SERPINB8: variants seen among roughly 807,000 people sequenced by gnomAD.
SERPINB8 encodes serpin B8.
A neutral mutation model predicts 35.3 loss-of-function variants in SERPINB8; 25 were observed. The observed-to-expected ratio is 0.71, with a 90% confidence interval of 0.52 to 0.99. SERPINB8 has a LOEUF of 0.99. Ranked by LOEUF, SERPINB8 falls within the 50% of genes least tolerant of loss-of-function variation. The pLI is 0.00. For missense variants in SERPINB8, 484 were observed against 446.5 expected (o/e 1.08, Z -0.76); for synonymous variants, 186 against 160.8 (o/e 1.16, Z -1.19).
In SERPINB8 at chr18:63,985,246, G is replaced by A; in HGVS notation, c.720+1G>A. On this transcript the variant is annotated splice_donor_variant, in intron 6 of 6. Transcript: ENST00000397985. LOFTEE classifies it high-confidence loss of function. ...CGATGACAACACGGACCTCGCCGTG[G>A]TAAGCTCCAGGCAATGAGCCTGAGT... 1.2e-6 allele frequency: 2 copies of A among 1,614,050 alleles called. No individual in the cohort carries two copies. The highest frequency in any genetic ancestry group is 8.5e-7 in the Non-Finnish European group (1 of 1,179,964).
chr18:64,017,747 C>G (rs2050957307), intron 7 of SERPINB8, among the ~76,000 whole-genome samples: 1 of 152,186 alleles, frequency 6.6e-6, no homozygotes, highest in African/African-American at 2.4e-5. Flanking sequence ...TAGCAGCAGC[C>G]TCTGCAGAGT....
intron 1 of SERPINB8, among the ~76,000 whole-genome samples, chr18:63,995,967 G>A (rs1047445799): frequency 6.6e-6 from 1 of 152,146 alleles, no homozygotes; most frequent in Non-Finnish European, 1.5e-5. Flanking sequence ...TAAGGAAGAG[G>A]AATTGGTCAA....
chr18:64,006,688 G>A (rs2050901555), downstream of SERPINB8, among the ~76,000 whole-genome samples: 1 of 152,164 alleles, frequency 6.6e-6, no homozygotes, highest in Admixed American at 6.5e-5. Context: ...AATACTCTAT[G>A]TCTTGATCTG....
intron 3 of SERPINB8, 96 bp from the exon 4 acceptor site, chr18:63,981,625 A>G: frequency 2.4e-6 from 2 of 820,470 alleles, no homozygotes; most frequent in Non-Finnish European, 4.0e-6. Context: ...CTGTCCAAGC[A>G]CTTATTGTAG....
At chr18:63,989,728 G>T (rs1399314706), downstream of SERPINB8, among the ~76,000 whole-genome samples, 1 of 151,974 alleles carries the variant, frequency 6.6e-6, no homozygotes, top group Non-Finnish European at 1.5e-5. Context: ...CGGATCACGA[G>T]GTAAGGAGAT....
intron 7 of SERPINB8, among the ~76,000 whole-genome samples, chr18:64,011,614 G>A (rs1325872236): frequency 6.6e-6 from 1 of 152,148 alleles, no homozygotes; most frequent in African/African-American, 2.4e-5. Context: ...GCAAGTTCAT[G>A]TTGGTGCTGT....
At position 64,011,852 on chromosome 18, in the gene SERPINB8, G is replaced by A. The variant is rs115349322; in HGVS notation, c.*2+6972G>A. On this transcript the variant is annotated intron_variant, in intron 7 of 7. Coordinates refer to the SERPINB8 transcript ENST00000636430. ...AAGGCAGCCACCCTCCTTACAAGTG[G>A]AAGCTGGGCTATTGTATTAACTATA... Among the ~76,000 whole-genome samples, 793 of 152,258 alleles carry A rather than the reference G, an allele frequency of 5.2e-3. 6 individuals are homozygous for A. The highest frequency in any genetic ancestry group is 0.018 in the African/African-American group (751 of 41,560).
intron 1 of SERPINB8, among the ~76,000 whole-genome samples, chr18:63,977,396 G>A (rs573586418): frequency 1.3e-5 from 2 of 151,616 alleles, no homozygotes; most frequent in Admixed American, 1.3e-4. Flanking sequence ...GCGTGATCTC[G>A]GCTCTCTGCA....
At chr18:64,015,567 G>A (rs951855472) in intron 7 of SERPINB8, among the ~76,000 whole-genome samples, 1 of 152,040 alleles carries the variant, frequency 6.6e-6, no homozygotes, top group Non-Finnish European at 1.5e-5. Context: ...GATGACTTTC[G>A]TTGTTAGAAA....
At chr18:63,973,011 T>C (rs1024397058) in intron 1 of SERPINB8, among the ~76,000 whole-genome samples, 3 of 152,226 alleles carry the variant, frequency 2.0e-5, no homozygotes, top group Non-Finnish European at 4.4e-5. Flanking sequence ...TACCCAGTAA[T>C]GGGGTGGCTG....
Position 63,970,147 on chromosome 18 carries a change from C to CGGT in SERPINB8, c.-32_-31insTGG. On this transcript the variant is annotated 5_prime_UTR_variant, in exon 1 of 7. Coordinates refer to ENST00000397985, the MANE Select transcript of SERPINB8 (RefSeq NM_002640.4). ...AAAGCAGCAGCGGCGGCGGCGGCGG[C>CGGT]GGCAGCAGCAGCAGCAGCAGGAGGT... 2.7e-6 allele frequency: 1 copy of CGGT among 367,890 alleles called. No individual in the cohort carries two copies. The highest frequency in any genetic ancestry group is 5.4e-6 in the Non-Finnish European group (1 of 186,540). The allele number at this position is 367,890 out of a possible 1,614,324, so 22.8% of individuals were successfully genotyped here.
At chr18:63,989,598 T>C (rs1210545882), downstream of SERPINB8, among the ~76,000 whole-genome samples, 3 of 152,172 alleles carry the variant, frequency 2.0e-5, no homozygotes, top group Admixed American at 2.0e-4. Context: ...TTTCAGCGTG[T>C]ACCGGCTTTT....
chr18:63,981,831 G>C lies in SERPINB8; in HGVS notation c.417G>C (p.Lys139Asn). Residue 139 changes from lysine to asparagine, a missense_variant, in exon 4 of 7, where the codon AAG becomes AAC. Lys to Asn is a moderately conservative substitution (Grantham distance 94). Coordinates refer to ENST00000397985, the MANE Select transcript of SERPINB8 (RefSeq NM_002640.4). ...RKHINDWVAEKTEGKISEVLD... is the reference protein window; with the variant it reads ...RKHINDWVAENTEGKISEVLD... ...ATATAAATGACTGGGTGGCAGAGAA[G>C]ACTGAAGGTGAGACAGTTTCATTTC... The C allele has an allele frequency of 6.2e-7, 1 of 1,602,038 alleles. No homozygotes were observed. Among genetic ancestry groups the C allele is most frequent in the Non-Finnish European group, 8.5e-7 (1 of 1,170,520 alleles).
chr18:64,018,757 A>G (rs903913393), intron 7 of SERPINB8, among the ~76,000 whole-genome samples: 11 of 152,342 alleles, frequency 7.2e-5, no homozygotes, highest in African/African-American at 1.9e-4. Flanking sequence ...TGGTTTTATG[A>G]AAGCGTTCCA....
intron 1 of SERPINB8, among the ~76,000 whole-genome samples, chr18:63,974,705 T>G (rs924844931): frequency 7.2e-6 from 1 of 139,288 alleles, no homozygotes; most frequent in Non-Finnish European, 1.5e-5. Flanking sequence ...AAAGTCCATT[T>G]TGTTTAAAGT....
At chr18:63,972,754 T>C (rs1235422368) in intron 1 of SERPINB8, among the ~76,000 whole-genome samples, 3 of 151,764 alleles carry the variant, frequency 2.0e-5, no homozygotes, top group Admixed American at 6.6e-5. Context: ...GGTTTCTGTC[T>C]TTGTGGTAGT....
chr18:63,981,938 AC>A, intron 4 of SERPINB8, 100 bp downstream of exon 4: 2 of 734,532 alleles, frequency 2.7e-6, no homozygotes. Flanking sequence ...TGACCTGCAT[AC>A]CACAGGCCTG....
intron 3 of SERPINB8, 106 bp from the exon 4 acceptor site, chr18:63,981,615 C>T (rs778849843): frequency 1.3e-6 from 1 of 753,538 alleles, no homozygotes. Flanking sequence ...GGAGTGTGAC[C>T]TGTCCAAGCA....
At chr18:63,982,615 A>G (rs2050689908) in intron 4 of SERPINB8, among the ~76,000 whole-genome samples, 1 of 152,158 alleles carries the variant, frequency 6.6e-6, no homozygotes, top group Non-Finnish European at 1.5e-5. Flanking sequence ...CTGAAAGCCA[A>G]TACAATAATT....
Sources: allele counts gnomAD v4.1 joint callset (sites outside exome capture counted in the v4.1 genomes callset), GRCh38; gene constraint gnomAD v4.1.1; transcripts MANE v1.5; gene names NCBI Gene and HGNC (gene_info 2026-07-23, HGNC 2026-07-21).